The following ARVCF variants were observed in gnomAD, a reference collection of about 807,000 sequenced individuals.
ARVCF encodes the protein ARVCF delta catenin family member, also known as splicing regulator ARVCF.
Under a neutral mutation model 90.9 loss-of-function variants are expected in ARVCF, and 66 were observed. The observed-to-expected ratio is 0.73, with a 90% CI of 0.60 to 0.89. The LOEUF (loss-of-function observed/expected upper bound fraction) is 0.89, where lower values mean the gene tolerates loss of function less well. Ranked by LOEUF, ARVCF falls within the 40% of genes least tolerant of loss-of-function variation. The probability of loss-of-function intolerance (pLI) is 0.00; values close to 1 mark genes in which losing one functional copy is unlikely to be tolerated. For missense variants in ARVCF, 1,469 were observed against 1,382.3 expected (o/e 1.06, Z -1.00); for synonymous variants, 653 against 603.4 (o/e 1.08, Z -1.21).
chr22:19,978,839 GACC>G (rs1943311654), intron 7 of ARVCF, 55 bp downstream of exon 7: 1 of 1,555,170 alleles, frequency 6.4e-7, no homozygotes, highest in African/African-American at 1.4e-5. Flanking sequence ...CACTATCTGG[GACC>G]ACGAGGACGG....
chr22:19,976,512 A>G (rs1337783203), intron 10 of ARVCF, among the ~76,000 whole-genome samples, 194 bp downstream of exon 10: 2 of 151,952 alleles, frequency 1.3e-5, no homozygotes, highest in African/African-American at 2.4e-5. Context: ...GCTCTGCCCA[A>G]CTCTGCCCAG....
At chr22:19,975,962 G>A (rs1475111079) in intron 10 of ARVCF, among the ~76,000 whole-genome samples, 2 of 152,082 alleles carry the variant, frequency 1.3e-5, no homozygotes, top group Non-Finnish European at 2.9e-5. Context: ...GTGGGGCCTG[G>A]GGATGTCCCA....
downstream of ARVCF, among the ~76,000 whole-genome samples, chr22:19,967,940 C>T (rs571064504): frequency 6.6e-6 from 1 of 152,380 alleles, no homozygotes; most frequent in Non-Finnish European, 1.5e-5. Flanking sequence ...CAACTCCTTC[C>T]TTCTGCACAG....
intron 1 of ARVCF, 73 bp from the exon 2 acceptor site, chr22:20,010,581 G>A (rs1944790467): frequency 6.6e-6 from 1 of 152,176 alleles, no homozygotes; most frequent in African/African-American, 2.4e-5. Flanking sequence ...AGGTACACAA[G>A]CCCAGACCGT....
chr22:19,977,994 C>T lies in ARVCF; in HGVS notation c.1662G>A (p.Leu554=), dbSNP rs745710800. ...TGTCCTTCCGGCCCACAGCCGACTG[C>T]AGGGCATGCAGGAGCGCGTCCACCA... ...EGLVDALLHA[L]QSAVGRKDTD... is the part of the protein sequence containing the mutation. The change falls in exon 8 of 20, where the codon CTG becomes CTA. Residue 554 remains leucine, a synonymous_variant. Transcript: ENST00000263207. The T allele has an allele frequency of 3.1e-6, 5 of 1,611,606 alleles. No homozygotes were observed. Among genetic ancestry groups the T allele is most frequent in the Non-Finnish European group, 4.2e-6 (5 of 1,179,256 alleles).
chr22:20,004,763 T>C (rs1053180676), intron 2 of ARVCF, among the ~76,000 whole-genome samples: 5 of 152,298 alleles, frequency 3.3e-5, no homozygotes, highest in African/African-American at 1.2e-4. Context: ...TCAAATGACC[T>C]TCAATAAAGG....
chr22:19,982,005 G>A lies in ARVCF; in HGVS notation c.297C>T (p.Asp99=). The change falls in exon 4 of 20, where the codon GAC becomes GAT. Residue 99 remains aspartate (D), a synonymous_variant. Transcript: ENST00000263207. ...VLEETVTVEE[D]PGTPTSHVSI... is the part of the protein sequence containing the mutation. Reference sequence around the variant, plus strand: ...ACACATGGGAAGTGGGTGTGCCGGGGTCCTCCTCCACCGTCACGGTCTCCT... The same window carrying A: ...ACACATGGGAAGTGGGTGTGCCGGGATCCTCCTCCACCGTCACGGTCTCCT... 1 of 1,613,102 alleles carries A rather than the reference G, an allele frequency of 6.2e-7. No homozygotes were observed. The highest frequency in any genetic ancestry group is 8.5e-7 in the Non-Finnish European group (1 of 1,179,972).
chr22:20,003,266 G>A (rs9617857), intron 2 of ARVCF, among the ~76,000 whole-genome samples: 1 of 151,992 alleles, frequency 6.6e-6, no homozygotes, highest in Non-Finnish European at 1.5e-5. Context: ...TTTCACTGGT[G>A]TATTCTACCA....
At chr22:20,011,706 C>A (rs1359797179) in intron 1 of ARVCF, among the ~76,000 whole-genome samples, 4 of 152,188 alleles carry the variant, frequency 2.6e-5, no homozygotes, top group Admixed American at 2.6e-4. Flanking sequence ...AGCCCATCCA[C>A]CAGCACTGCG....
intron 2 of ARVCF, among the ~76,000 whole-genome samples, chr22:20,005,157 C>T (rs1000998375): frequency 1.3e-5 from 2 of 151,966 alleles, no homozygotes; most frequent in Non-Finnish European, 1.5e-5. Flanking sequence ...AATTCATATC[C>T]AGAATATGTA....
At chr22:19,969,087 C>A, downstream of ARVCF, 1 of 243,210 alleles carries the variant, frequency 4.1e-6, no homozygotes. Context: ...ACTTGGGCAC[C>A]AAACATTCAA....
chr22:19,989,747 AG>A (rs926878708), intron 3 of ARVCF, among the ~76,000 whole-genome samples: 4 of 151,980 alleles, frequency 2.6e-5, no homozygotes, highest in African/African-American at 4.8e-5. Flanking sequence ...AGAGCCCTCT[AG>A]GGTCACTCTG....
chr22:19,985,907 C>T (rs533511075), intron 3 of ARVCF, among the ~76,000 whole-genome samples: 1 of 152,180 alleles, frequency 6.6e-6, no homozygotes, highest in Non-Finnish European at 1.5e-5. Context: ...TTCTCCATCC[C>T]CATTATGGCC....
At chr22:19,995,368 T>G in intron 2 of ARVCF, among the ~76,000 whole-genome samples, 4 of 134,552 alleles carry the variant, frequency 3.0e-5, no homozygotes, top group Non-Finnish European at 4.7e-5. Flanking sequence ...GAAAACAGAG[T>G]GCGATGCATG....
At chr22:20,010,820 ACAG>A (rs1340933545) in intron 1 of ARVCF, among the ~76,000 whole-genome samples, 1 of 152,194 alleles carries the variant, frequency 6.6e-6, no homozygotes, top group Non-Finnish European at 1.5e-5. Context: ...CACACACAGC[ACAG>A]CAGTATTCCC....
rs114131171 is a variant in ARVCF, at chr22:19,979,765, G to A, written c.1374C>T (p.Asn458=). 16 of 1,603,084 alleles carry A rather than the reference G, an allele frequency of 1.0e-5. No homozygotes were observed. Among genetic ancestry groups the A allele is most frequent in the African/African-American group, 5.3e-5 (4 of 74,848 alleles). ...LVRLLRAARD[N]EVRELVTGTL... ...CACCAGTGACAAGCTCACGGACCTC[G>A]TTGTCCCGGGCAGCCCTCAGCAGGC... Residue 458 remains asparagine (N), a synonymous_variant, in exon 6 of 20, where the codon AAC becomes AAT. Coordinates refer to ENST00000263207, the MANE Select transcript of ARVCF (RefSeq NM_001670.3).
chr22:19,976,641 C>G (rs915660177), intron 10 of ARVCF, 65 bp downstream of exon 10: 8 of 1,541,140 alleles, frequency 5.2e-6, no homozygotes, highest in Non-Finnish European at 7.0e-6. Flanking sequence ...CTGGAACGTG[C>G]TCGCCTCTTC....
At chr22:19,971,042 C>T (rs978369183) in intron 19 of ARVCF, among the ~76,000 whole-genome samples, 174 bp downstream of exon 19, 7 of 152,214 alleles carry the variant, frequency 4.6e-5, no homozygotes, top group Admixed American at 3.9e-4. Context: ...CACCCTCCCT[C>T]TCTGACCTCT....
chr22:19,980,408 A>G, intron 5 of ARVCF, 166 bp from the exon 6 acceptor site: 2 of 1,093,516 alleles, frequency 1.8e-6, no homozygotes, highest in Non-Finnish European at 1.2e-6. Flanking sequence ...AGAGTCATGC[A>G]CCAGCCCAGT....
Sources: gnomAD v4.1 joint callset for allele counts (sites outside exome capture counted in the v4.1 genomes callset) on GRCh38, gnomAD v4.1.1 for gene constraint, MANE v1.5 for transcripts, NCBI Gene and HGNC (gene_info 2026-07-23, HGNC 2026-07-21) for gene names.